The following BOLL variants were observed in gnomAD, a reference collection of about 807,000 sequenced individuals.
BOLL encodes boule RNA binding protein, also known as protein boule-like.
Under a neutral mutation model 44.4 loss-of-function variants are expected in BOLL, and 23 were observed. The observed-to-expected ratio is 0.52, with a 90% CI of 0.37 to 0.73. BOLL has a LOEUF of 0.73. BOLL is among the 30% of genes least tolerant of loss of function. The pLI is 0.00. For missense variants in BOLL, 287 were observed against 338.3 expected (o/e 0.85, Z 1.19); for synonymous variants, 97 against 110.8 (o/e 0.88, Z 0.78).
intron 6 of BOLL, among the ~76,000 whole-genome samples, chr2:197,769,063 C>T (rs868274447): frequency 2.6e-5 from 4 of 151,888 alleles, no homozygotes; most frequent in Middle Eastern, 3.4e-3. Flanking sequence ...TTCGGTTTGC[C>T]AGTATTTTAT....
intron 7 of BOLL, among the ~76,000 whole-genome samples, chr2:197,761,114 A>C (rs905197863): frequency 1.3e-5 from 2 of 152,084 alleles, no homozygotes; most frequent in African/African-American, 4.8e-5. Context: ...TGAGCCCAGG[A>C]ATTTGAGACC....
At chr2:197,757,795 T>C (rs777905426) in intron 7 of BOLL, among the ~76,000 whole-genome samples, 2 of 152,092 alleles carry the variant, frequency 1.3e-5, no homozygotes, top group Non-Finnish European at 2.9e-5. Flanking sequence ...TATAAAGAAC[T>C]CTTACAACTC....
intron 7 of BOLL, among the ~76,000 whole-genome samples, chr2:197,762,190 A>G (rs1210404979): frequency 1.3e-5 from 2 of 152,138 alleles, no homozygotes; most frequent in African/African-American, 4.8e-5. Flanking sequence ...CTAAAAATAC[A>G]AAAATTGGCC....
intron 10 of BOLL, among the ~76,000 whole-genome samples, chr2:197,733,803 G>T (rs1192653127): frequency 6.6e-6 from 1 of 151,980 alleles, no homozygotes; most frequent in Non-Finnish European, 1.5e-5. Flanking sequence ...CCTTACACAA[G>T]AATTAATTCA....
intron 10 of BOLL, among the ~76,000 whole-genome samples, chr2:197,741,904 A>C (rs1687753814): frequency 6.6e-6 from 1 of 152,264 alleles, no homozygotes; most frequent in African/African-American, 2.4e-5. Flanking sequence ...AATTTTCACA[A>C]TCTACTCCTC....
At chr2:197,734,353 A>C (rs1353550227) in intron 10 of BOLL, among the ~76,000 whole-genome samples, 2 of 152,146 alleles carry the variant, frequency 1.3e-5, no homozygotes, top group African/African-American at 2.4e-5. Flanking sequence ...GAACACTTTT[A>C]CACTGTTGGT....
intron 7 of BOLL, among the ~76,000 whole-genome samples, chr2:197,761,344 T>C (rs537410598): frequency 6.6e-5 from 10 of 152,142 alleles, no homozygotes; most frequent in African/African-American, 2.4e-4. Context: ...CACCACTAGA[T>C]TGGCCTTACA....
intron 7 of BOLL, among the ~76,000 whole-genome samples, chr2:197,761,565 G>C (rs1352925894): frequency 6.6e-6 from 1 of 152,088 alleles, no homozygotes; most frequent in African/African-American, 2.4e-5. Context: ...AAAATAACCA[G>C]AAAATGATAA....
At chr2:197,772,196 T>C (rs1020941149) in intron 5 of BOLL, among the ~76,000 whole-genome samples, 1 of 151,978 alleles carries the variant, frequency 6.6e-6, no homozygotes. Flanking sequence ...TAGTTTAAGA[T>C]GATTAAAAGA....
upstream of BOLL, chr2:197,786,026 C>T (rs1189536225): frequency 1.2e-6 from 2 of 1,610,310 alleles, no homozygotes; most frequent in East Asian, 2.2e-5. The surrounding 1 kb of genome is among the most constrained non-coding windows in gnomAD (Gnocchi z 5.9). Flanking sequence ...TCTTCAGAGA[C>T]GCGGGGTAGG....
rs762720391 is a variant in BOLL at position 197,771,997 on chromosome 2, A to G, written c.353-15T>C. ...TATACTAGAACCTAAAGCAAAGATTAAATAATAATAATTGAAATGTTCAAT... is the reference window on the plus strand; with the variant it reads ...TATACTAGAACCTAAAGCAAAGATTGAATAATAATAATTGAAATGTTCAAT... On this transcript the variant is annotated splice_polypyrimidine_tract_variant and intron_variant, in intron 5 of 10. Coordinates refer to ENST00000392296, the MANE Select transcript of BOLL (RefSeq NM_033030.6). 24 of 1,531,088 alleles carry G rather than the reference A, an allele frequency of 1.6e-5. No homozygotes were observed. The highest frequency in any genetic ancestry group is 2.1e-5 in the Non-Finnish European group (24 of 1,131,088). 94.8% of individuals were successfully genotyped at this position (1,531,088 alleles called of 1,614,324 possible).
chr2:197,767,511 T>C (rs1689048999), intron 6 of BOLL, among the ~76,000 whole-genome samples: 1 of 151,868 alleles, frequency 6.6e-6, no homozygotes, highest in East Asian at 1.9e-4. Flanking sequence ...AGACAGAAAA[T>C]GCATTTGTTA....
chr2:197,766,662 A>C (rs989048703), intron 6 of BOLL, 59 bp from the exon 7 acceptor site: 3 of 1,241,620 alleles, frequency 2.4e-6, no homozygotes, highest in African/African-American at 3.0e-5. Flanking sequence ...CTCACAATAA[A>C]ATTTATCTCA....
At position 197,756,464 on chromosome 2, in the gene BOLL, A is replaced by G. The variant is rs1688520488; in HGVS notation, c.693T>C (p.Pro231=). 4 of 1,612,088 alleles carry G rather than the reference A, an allele frequency of 2.5e-6. No individual in the cohort carries two copies. Among genetic ancestry groups the G allele is most frequent in the Non-Finnish European group, 3.4e-6 (4 of 1,178,762 alleles). Residue 231 remains proline (P), a synonymous_variant, in exon 9 of 11, where the codon CCT becomes CCC. Coordinates refer to ENST00000392296, the MANE Select transcript of BOLL (RefSeq NM_033030.6). ...AAGTTTCCATCAGAGACAGTGGAGG[A>G]GGAACACATCCACCATCCTGTGCAA... ...VEIAQDGGCV[P]PPLSLMETSV...
At position 197,777,088 on chromosome 2, in the gene BOLL, G is replaced by T; in HGVS notation, c.247C>A (p.Gln83Lys). 1 of 1,572,670 alleles carries T rather than the reference G, an allele frequency of 6.4e-7. No individual in the cohort carries two copies. Among genetic ancestry groups the T allele is most frequent in the Non-Finnish European group, 8.7e-7 (1 of 1,152,478 alleles). Residue 83 changes from glutamine to lysine, a missense_variant, in exon 4 of 11, where the codon CAA becomes AAA. Coordinates refer to ENST00000392296, the MANE Select transcript of BOLL (RefSeq NM_033030.6). ...TGTAAAATTTTTTGTGCATCTTCTT[G>T]TGTTTCAAAAGTGACGAAACCATAC... ...KGYGFVTFET[Q>K]EDAQKILQEA...
intron 10 of BOLL, among the ~76,000 whole-genome samples, chr2:197,729,741 C>G (rs1391719019): frequency 2.0e-5 from 3 of 152,106 alleles, no homozygotes; most frequent in African/African-American, 7.2e-5. Flanking sequence ...AACAGACCTG[C>G]AGCTGAGGGT....
At chr2:197,737,314 TC>T (rs1687538285) in intron 10 of BOLL, among the ~76,000 whole-genome samples, 1 of 152,090 alleles carries the variant, frequency 6.6e-6, no homozygotes, top group Non-Finnish European at 1.5e-5. Flanking sequence ...GGGGATCTAC[TC>T]ATGACAATTA....
chr2:197,773,972 C>T (rs550205934), intron 5 of BOLL: 4 of 433,690 alleles, frequency 9.2e-6, no homozygotes, highest in Non-Finnish European at 1.4e-5. Flanking sequence ...AGATAAGAAT[C>T]CCTTATTTGT....
chr2:197,785,802 C>T (rs1690048426), upstream of BOLL, among the ~76,000 whole-genome samples: 1 of 151,976 alleles, frequency 6.6e-6, no homozygotes, highest in East Asian at 1.9e-4. This position sits in a 1 kb window ranked among gnomAD's most constrained non-coding sequence, Gnocchi z 6.7. Flanking sequence ...CACAGCCAGA[C>T]GAGGTCTGCG....
Sources: gnomAD v4.1 joint callset for allele counts (sites outside exome capture counted in the v4.1 genomes callset) on GRCh38, gnomAD v4.1.1 for gene constraint, Gnocchi (gnomAD v3.1) non-coding constraint, MANE v1.5 for transcripts, NCBI Gene and HGNC (gene_info 2026-07-23, HGNC 2026-07-21) for gene names.